POLR1B: variants seen among roughly 807,000 people sequenced by gnomAD.
POLR1B encodes the protein DNA-directed RNA polymerase I subunit RPA2.
Under a neutral mutation model 105.8 loss-of-function variants are expected in POLR1B, and 30 were observed. The ratio of observed to expected loss-of-function variants is 0.28; its 90% confidence interval spans 0.21 to 0.38. The LOEUF (loss-of-function observed/expected upper bound fraction) is 0.38. POLR1B is among the 10% of genes least tolerant of loss of function. The pLI is 1.00. For synonymous variants in POLR1B, 485 were observed against 505.1 expected (o/e 0.96, Z 0.53); for missense variants, 976 against 1,435.8 (o/e 0.68, Z 5.17).
chr2:112,562,107 C>T (rs1267841068), intron 9 of POLR1B, among the ~76,000 whole-genome samples: 2 of 152,114 alleles, frequency 1.3e-5, no homozygotes, highest in South Asian at 2.1e-4. Context: ...GGCATGGCAT[C>T]GTCTTGTTTG....
In POLR1B at chr2:112,544,049, G is replaced by A. The variant is rs142163187; in HGVS notation, c.177+1378G>A. ...GGCTGCAATGAGCTATGATTGTGCCGCTGCACTCCATCCTCGGTAACAGAG... is the reference window on the plus strand; with the variant it reads ...GGCTGCAATGAGCTATGATTGTGCCACTGCACTCCATCCTCGGTAACAGAG... On this transcript the variant is annotated intron_variant, in intron 1 of 14. Coordinates refer to ENST00000263331, the MANE Select transcript of POLR1B (RefSeq NM_019014.6). Among the ~76,000 whole-genome samples, 1,227 of 151,796 alleles carry A rather than the reference G, an allele frequency of 8.1e-3. 8 individuals are homozygous for A. The highest frequency in any genetic ancestry group is 0.017 in the Middle Eastern group (5 of 294).
Position 112,578,088 on chromosome 2 carries a change from C to CA in POLR1B, c.*2367dup, listed in dbSNP as rs1331369390. Among the ~76,000 whole-genome samples the CA allele has an allele frequency of 7.2e-5, 11 of 151,726 alleles. No individual in the cohort carries two copies. The highest frequency in any genetic ancestry group is 2.1e-4 in the South Asian group (1 of 4,812). ...TTTTTAGCAGCACTAAAAACATTCC[C>CA]AAAAAAAATGTTTTTTAGCTTTTTA... is the stretch of plus-strand genomic sequence containing the variant. On this transcript the variant is annotated 3_prime_UTR_variant, in exon 15 of 15. Coordinates refer to ENST00000263331, the MANE Select transcript of POLR1B (RefSeq NM_019014.6).
rs577379329 is a variant in POLR1B at position 112,560,316 on chromosome 2, A to G, written c.1612+742A>G. Among the ~76,000 whole-genome samples, 23 of 152,282 alleles carry G rather than the reference A, an allele frequency of 1.5e-4. No homozygotes were observed. The South Asian group carries it at 4.3e-3, about 29-fold the overall frequency. On this transcript the variant is annotated intron_variant, in intron 9 of 14. Coordinates refer to ENST00000263331, the MANE Select transcript of POLR1B (RefSeq NM_019014.6). ...GACTAGTCATTAATATTGGAAGTATAGAAGCTATTGAGTAGTTTTTTGGGT... is the reference window on the plus strand; with the variant it reads ...GACTAGTCATTAATATTGGAAGTATGGAAGCTATTGAGTAGTTTTTTGGGT...
intron 1 of POLR1B, 119 bp from the exon 2 acceptor site, chr2:112,546,893 G>A: frequency 1.8e-6 from 2 of 1,097,204 alleles, no homozygotes; most frequent in South Asian, 1.5e-5. Context: ...GTCCTTTTTA[G>A]GTGTGTCATG....
At position 112,550,794 on chromosome 2, in the gene POLR1B, T is replaced by G. The variant is rs948470918; in HGVS notation, c.626-72T>G. 9 of 1,505,516 alleles carry G rather than the reference T, an allele frequency of 6.0e-6. No individual in the cohort carries two copies. The Admixed American group carries it at 1.6e-4, about 27-fold the overall frequency. The allele number at this position is 1,505,516 out of a possible 1,614,324, so 93.3% of individuals were successfully genotyped here. ...AATTGTGTCTAAGAGGTTAAGATTG[T>G]TCAGAAAGAAAATGGTTGAAGCAAT... On this transcript the variant is annotated intron_variant, in intron 4 of 14. Coordinates refer to ENST00000263331, the MANE Select transcript of POLR1B (RefSeq NM_019014.6).
intron 10 of POLR1B, among the ~76,000 whole-genome samples, chr2:112,567,519 A>G (rs1033671101): frequency 1.3e-5 from 2 of 151,944 alleles, no homozygotes; most frequent in African/African-American, 4.8e-5. Context: ...AGCTGGGACT[A>G]CAGGCACGTA....
At position 112,551,944 on chromosome 2, in the gene POLR1B, A is replaced by G. The variant is rs1683393715; in HGVS notation, c.932A>G (p.Lys311Arg). Residue 311 changes from lysine (K) to arginine (R), a missense_variant, in exon 6 of 15, where the codon AAA (lysine) becomes AGA (arginine). By Grantham distance (26) the Lys-to-Arg change is conservative. Around this residue, in one of 12 missense-constraint regions of POLR1B, gnomAD observed 452 missense variants for 616.5 expected, o/e 0.73. Coordinates refer to ENST00000263331, the MANE Select transcript of POLR1B (RefSeq NM_019014.6). ...LNYLGECFRVKLNVPDWYPNE... is the reference protein window; with the variant it reads ...LNYLGECFRVRLNVPDWYPNE... ...TACCTAGGTGAATGCTTCAGAGTAA[A>G]ACTCAATGTTCCTGACTGGTACCCA... The G allele has an allele frequency of 6.2e-7, 1 of 1,614,080 alleles. No homozygotes were observed. The highest frequency in any genetic ancestry group is 1.3e-5 in the African/African-American group (1 of 74,918).
chr2:112,547,626 A>T, intron 3 of POLR1B, 59 bp downstream of exon 3: 1 of 1,545,040 alleles, frequency 6.5e-7, no homozygotes, highest in South Asian at 1.2e-5. Context: ...GAGTAAGAAG[A>T]CAAGAAGTGT....
In POLR1B at chr2:112,558,007, T is replaced by G; in HGVS notation, c.1256T>G (p.Ile419Ser). ...VSMNTDNLMR[I>S]FTMGIDLTKP... The stretch of plus-strand genomic sequence containing the variant: ...ATGAACACTGACAATTTGATGAGGA[T>G]TTTTACAATGGGCATAGACCTTACA... Residue 419 changes from isoleucine to serine, a missense_variant, in exon 8 of 15, where the codon ATT becomes AGT. Around this residue, in one of 12 missense-constraint regions of POLR1B, gnomAD observed 452 missense variants for 616.5 expected, o/e 0.73. Coordinates refer to ENST00000263331, the MANE Select transcript of POLR1B (RefSeq NM_019014.6). 7.0e-7 allele frequency: 1 copy of G among 1,430,804 alleles called. No individual in the cohort carries two copies. The highest frequency in any genetic ancestry group is 1.7e-5 in the South Asian group (1 of 57,978). 88.6% of individuals were successfully genotyped at this position (1,430,804 alleles called of 1,614,324 possible). A position where few individuals can be genotyped will look rare whatever the true frequency, so the allele number is the denominator to read the frequency against.
chr2:112,560,591 A>G (rs1683928560), intron 9 of POLR1B, among the ~76,000 whole-genome samples: 1 of 151,940 alleles, frequency 6.6e-6, no homozygotes, highest in Admixed American at 6.6e-5. Flanking sequence ...TTCTCCATTT[A>G]TGATTTGGAG....
At chr2:112,566,518 G>A (rs754497418) in intron 10 of POLR1B, among the ~76,000 whole-genome samples, 2 of 152,084 alleles carry the variant, frequency 1.3e-5, no homozygotes, top group Non-Finnish European at 2.9e-5. Context: ...TTTTCTATTA[G>A]TTGTTCATTT....
At chr2:112,562,041 G>A (rs894947856) in intron 9 of POLR1B, among the ~76,000 whole-genome samples, 2 of 152,116 alleles carry the variant, frequency 1.3e-5, no homozygotes, top group South Asian at 2.1e-4. Flanking sequence ...TGCTGAAAAC[G>A]TGCCAGTGAA....
chr2:112,564,448 G>C lies in POLR1B; in HGVS notation c.1695G>C (p.Trp565Cys). ...PVLLDGVMVG[W>C]VDKDLAPGIA... The stretch of plus-strand genomic sequence containing the variant: ...TGCTGGACGGTGTCATGGTTGGCTG[G>C]GTGGATAAGGATCTTGCTCCAGGCA... Residue 565 changes from tryptophan to cysteine, a missense_variant, in exon 10 of 15, where the codon TGG (tryptophan) becomes TGC (cysteine). Coordinates refer to ENST00000263331, the MANE Select transcript of POLR1B (RefSeq NM_019014.6). 1 of 1,614,230 alleles carries C rather than the reference G, an allele frequency of 6.2e-7. No homozygotes were observed. Among genetic ancestry groups the C allele is most frequent in the Non-Finnish European group, 8.5e-7 (1 of 1,180,036 alleles).
rs756079439 is a variant in POLR1B, at chr2:112,559,474, C to T, written c.1512C>T (p.Asp504=). The change falls in exon 9 of 15, where the codon GAC becomes GAT. Residue 504 remains aspartate (D), a synonymous_variant. Transcript: ENST00000263331. ...WGFLCPVHTP[D]GEPCGLMNHL... ...TCCTTTGTCCCGTGCATACCCCAGA[C>T]GGGGAGCCCTGTGGCCTGATGAACC... The T allele has an allele frequency of 2.5e-6, 4 of 1,614,238 alleles. No homozygotes were observed. Among genetic ancestry groups the T allele is most frequent in the South Asian group, 1.1e-5 (1 of 91,090 alleles).
In POLR1B at chr2:112,562,918, G is replaced by A. The variant is rs898091409; in HGVS notation, c.1613-1448G>A. Among the ~76,000 whole-genome samples, 23 of 151,566 alleles carry A rather than the reference G, an allele frequency of 1.5e-4. No individual in the cohort carries two copies. In the South Asian group the frequency reaches 4.0e-3, roughly 26 times the overall value. On this transcript the variant is annotated intron_variant, in intron 9 of 14. Transcript: ENST00000263331. ...TTTTTTTTGTATTTTTAGTAGCGACGGGGTTTTTCCATGTTGGTCAGGTTG... is the reference window on the plus strand; with the variant it reads ...TTTTTTTTGTATTTTTAGTAGCGACAGGGTTTTTCCATGTTGGTCAGGTTG...
chr2:112,573,125 C>T lies in POLR1B; in HGVS notation c.2271+367C>T, dbSNP rs190593014. On this transcript the variant is annotated intron_variant, in intron 13 of 14. Transcript: ENST00000263331. ...TGTTTTTTGTTTTTTATTTTTGAGACGGAGTCTCGCTCTGTTGCCCAGGCT... is the reference window on the plus strand; with the variant it reads ...TGTTTTTTGTTTTTTATTTTTGAGATGGAGTCTCGCTCTGTTGCCCAGGCT... Among the ~76,000 whole-genome samples the T allele has an allele frequency of 8.5e-5, 13 of 152,192 alleles. 1 individual carries two copies. In the East Asian group the frequency reaches 1.2e-3, roughly 14 times the overall value.
intron 12 of POLR1B, among the ~76,000 whole-genome samples, chr2:112,571,212 C>A (rs1486113119): frequency 1.3e-5 from 2 of 152,074 alleles, no homozygotes; most frequent in African/African-American, 4.8e-5. Flanking sequence ...TCTGCAGATT[C>A]CAATGTCTGG....
chr2:112,546,191 G>A (rs1683032245), intron 1 of POLR1B, among the ~76,000 whole-genome samples: 1 of 152,156 alleles, frequency 6.6e-6, no homozygotes, highest in Non-Finnish European at 1.5e-5. Flanking sequence ...ATGGTACAAA[G>A]AAGTAACTTC....
chr2:112,547,821 G>T (rs1683137043), intron 3 of POLR1B, among the ~76,000 whole-genome samples: 1 of 151,400 alleles, frequency 6.6e-6, no homozygotes, highest in Non-Finnish European at 1.5e-5. Flanking sequence ...TTTTCTGAAT[G>T]ATAGAGACAT....
Sources: gnomAD v4.1 joint callset for allele counts (sites outside exome capture counted in the v4.1 genomes callset) on GRCh38, gnomAD v4.1.1 for gene constraint, gnomAD v4.1.1 regional missense constraint, MANE v1.5 for transcripts, NCBI Gene and HGNC (gene_info 2026-07-23, HGNC 2026-07-21) for gene names.